Variants in AFF3 observed in about 807,000 individuals in gnomAD.
AFF3 encodes AF4/FMR2 family member 3.
In AFF3, 32 loss-of-function variants were observed where a neutral mutation model predicts 129.7. The ratio of observed to expected loss-of-function variants is 0.25; its 90% confidence interval spans 0.19 to 0.33. AFF3 has a LOEUF of 0.33. AFF3 is among the 10% of genes least tolerant of loss of function. The pLI is 1.00. For missense variants in AFF3, 1,373 were observed against 1,592.0 expected (o/e 0.86, Z 2.34); for synonymous variants, 644 against 635.4 (o/e 1.01, Z -0.20).
chr2:99,637,883 T>C (rs1030520675), intron 13 of AFF3, among the ~76,000 whole-genome samples: 2 of 152,234 alleles, frequency 1.3e-5, no homozygotes, highest in Admixed American at 6.5e-5. Context: ...CACAGTGTTA[T>C]GTTGTCCTTG....
At chr2:99,781,561 G>A (rs1161642219) in intron 8 of AFF3, among the ~76,000 whole-genome samples, 3 of 152,182 alleles carry the variant, frequency 2.0e-5, no homozygotes, top group Non-Finnish European at 4.4e-5. Flanking sequence ...ACTCACTGCT[G>A]TTATCCATGG....
At chr2:99,693,733 C>A (rs532139375) in intron 11 of AFF3, among the ~76,000 whole-genome samples, 2 of 152,134 alleles carry the variant, frequency 1.3e-5, no homozygotes, top group South Asian at 4.1e-4. Context: ...TCATTAAAAT[C>A]TTTTTTAAGG....
chr2:99,938,228 A>G (rs965165363), intron 7 of AFF3, among the ~76,000 whole-genome samples: 2 of 152,242 alleles, frequency 1.3e-5, no homozygotes, highest in Non-Finnish European at 2.9e-5. Context: ...CCATGTCTTC[A>G]AGGAAAATTT....
intron 7 of AFF3, among the ~76,000 whole-genome samples, chr2:99,936,344 T>C (rs7589234): frequency 0.026 from 4,000 of 152,164 alleles, 68 homozygotes; most frequent in Middle Eastern, 0.044. Context: ...CTTCGTGTGC[T>C]GAGTATCAGC....
At chr2:99,707,298 T>C in intron 11 of AFF3, 1 of 985,314 alleles carries the variant, frequency 1.0e-6, no homozygotes, top group Non-Finnish European at 1.2e-6. Flanking sequence ...ATTTGTCTGG[T>C]TAGAGATTAA....
At chr2:99,621,667 T>A (rs1445067637) in intron 13 of AFF3, among the ~76,000 whole-genome samples, 1 of 152,204 alleles carries the variant, frequency 6.6e-6, no homozygotes, top group Non-Finnish European at 1.5e-5. Flanking sequence ...ACAGTGTATG[T>A]CAAGCGCTCA....
chr2:99,738,696 A>G lies in AFF3; in HGVS notation c.1039+5408T>C, dbSNP rs144021323. ...TCCGATCAATTTTTCTAACACACCTATCCTTTGTAGGGAAGAGCTGATTTA... is the reference window on the plus strand; with the variant it reads ...TCCGATCAATTTTTCTAACACACCTGTCCTTTGTAGGGAAGAGCTGATTTA... On this transcript the variant is annotated intron_variant, in intron 10 of 24. Coordinates refer to ENST00000672756, the MANE Select transcript of AFF3 (RefSeq NM_001386135.1). Among the ~76,000 whole-genome samples, 667 of 152,192 alleles carry G rather than the reference A, an allele frequency of 4.4e-3. 4 individuals are homozygous for G. The highest frequency in any genetic ancestry group is 0.015 in the African/African-American group (632 of 41,498).
At chr2:99,965,614 T>C (rs1021674623) in intron 7 of AFF3, among the ~76,000 whole-genome samples, 2 of 152,240 alleles carry the variant, frequency 1.3e-5, no homozygotes, top group Admixed American at 6.5e-5. Flanking sequence ...TTTTAGTCCT[T>C]TTCCTGTTTA....
chr2:99,996,398 T>C (rs529864190), intron 7 of AFF3, among the ~76,000 whole-genome samples: 15 of 152,278 alleles, frequency 9.9e-5, no homozygotes, highest in Non-Finnish European at 1.8e-4. Flanking sequence ...TTCTTCTTTA[T>C]GTTTTTGTTG....
chr2:99,766,453 G>A (rs991506110), intron 8 of AFF3, among the ~76,000 whole-genome samples: 1 of 152,198 alleles, frequency 6.6e-6, no homozygotes, highest in Non-Finnish European at 1.5e-5. Context: ...TGACTTTATA[G>A]GAAACAGAAA....
At chr2:100,104,795 TGCAGCCGCCGCC>T (rs1559128037) in intron 3 of AFF3, 2 of 721,782 alleles carry the variant, frequency 2.8e-6, no homozygotes, top group Non-Finnish European at 3.2e-6. Flanking sequence ...GGCCCGCTGC[TGCAGCCGCCGCC>T]GCCGCCGCCG....
chr2:99,714,760 A>G (rs768213546), intron 11 of AFF3, among the ~76,000 whole-genome samples: 1 of 152,138 alleles, frequency 6.6e-6, no homozygotes, highest in Non-Finnish European at 1.5e-5. Flanking sequence ...TAAATGATAG[A>G]TTTCTTTATA....
chr2:99,845,876 A>G (rs1689680898), intron 7 of AFF3, among the ~76,000 whole-genome samples: 1 of 152,176 alleles, frequency 6.6e-6, no homozygotes, highest in Non-Finnish European at 1.5e-5. Flanking sequence ...TCTGTTGCCT[A>G]GGCTGGAGTG....
chr2:100,056,204 G>GCTGAAAT lies in AFF3; in HGVS notation c.54-47279_54-47273dup, dbSNP rs1686773271. Among the ~76,000 whole-genome samples the GCTGAAAT allele has an allele frequency of 2.0e-5, 3 of 151,998 alleles. No individual in the cohort carries two copies. The East Asian group carries it at 5.8e-4, about 30-fold the overall frequency. ...ACACCAGAGACTCTCAAAGTGGCTG[G>GCTGAAAT]CTGAAATCAATATTCACTCTCTATC... is the stretch of plus-strand genomic sequence containing the variant. On this transcript the variant is annotated intron_variant, in intron 4 of 24. Transcript: ENST00000672756.
At chr2:99,869,993 T>G (rs887685728) in intron 7 of AFF3, among the ~76,000 whole-genome samples, 4 of 152,232 alleles carry the variant, frequency 2.6e-5, no homozygotes, top group African/African-American at 4.8e-5. Flanking sequence ...GCTGTGCACC[T>G]GTGTTTCCTT....
At chr2:100,010,664 G>C (rs1682447880) in intron 4 of AFF3, among the ~76,000 whole-genome samples, 1 of 152,132 alleles carries the variant, frequency 6.6e-6, no homozygotes, top group Admixed American at 6.5e-5. Context: ...CACGATCACT[G>C]ATCACTAAGA....
rs541215570 is a variant in AFF3 at position 99,944,300 on chromosome 2, T to C, written c.873+62332A>G. Among the ~76,000 whole-genome samples the C allele has an allele frequency of 2.0e-5, 3 of 152,376 alleles. No individual in the cohort carries two copies. In the South Asian group the frequency reaches 6.2e-4, roughly 32 times the overall value. On this transcript the variant is annotated intron_variant, in intron 7 of 24. Transcript: ENST00000672756. ...TCCATAAGCTCTGTTTAATGTCAGA[T>C]AACATGTATTGACTTTTTGTTCTAT...
rs756251519 is a variant in AFF3 at position 99,601,548 on chromosome 2, CGCTGCT to C, written c.1252_1257del (p.Ser418_Ser419del). ...GAGTCGCTGGAGGAGCTGCTGCTGC[CGCTGCT>C]GCTGCTGCTGCTGCTGCCCTTGCTG... is the stretch of plus-strand genomic sequence containing the variant. On this transcript the variant is annotated inframe_deletion, in exon 14 of 25. Transcript: ENST00000672756. The C allele has an allele frequency of 1.3e-5, 20 of 1,598,606 alleles. No individual in the cohort carries two copies. Among genetic ancestry groups the C allele is most frequent in the South Asian group, 4.5e-5 (4 of 88,886 alleles).
chr2:99,622,820 A>G (rs1682155526), intron 13 of AFF3, among the ~76,000 whole-genome samples: 1 of 152,224 alleles, frequency 6.6e-6, no homozygotes, highest in South Asian at 2.1e-4. Flanking sequence ...CAGTGGATGC[A>G]GAGTCAGGCC....
Sources: allele counts gnomAD v4.1 joint callset (sites outside exome capture counted in the v4.1 genomes callset), GRCh38; gene constraint gnomAD v4.1.1; transcripts MANE v1.5; gene names NCBI Gene and HGNC (gene_info 2026-07-23, HGNC 2026-07-21).